The following TMEM117 variants were observed in gnomAD, a reference collection of about 807,000 sequenced individuals.
TMEM117 encodes the protein transmembrane protein 117.
Under a neutral mutation model 52.4 loss-of-function variants are expected in TMEM117, and 27 were observed. The ratio of observed to expected loss-of-function variants is 0.51; its 90% CI spans 0.38 to 0.71. The LOEUF (loss-of-function observed/expected upper bound fraction) is 0.71. TMEM117 is among the 30% of genes least tolerant of loss of function. The pLI is 0.00. For missense variants in TMEM117, 556 were observed against 630.5 expected (o/e 0.88, Z 1.26); for synonymous variants, 215 against 206.3 (o/e 1.04, Z -0.36).
chr12:44,024,395 C>A (rs956482170), intron 3 of TMEM117, among the ~76,000 whole-genome samples: 1 of 152,122 alleles, frequency 6.6e-6, no homozygotes, highest in African/African-American at 2.4e-5. Flanking sequence ...CTCACCGTTA[C>A]AGTACTTATT....
At chr12:44,030,819 G>C (rs1247099646) in intron 3 of TMEM117, among the ~76,000 whole-genome samples, 1 of 152,098 alleles carries the variant, frequency 6.6e-6, no homozygotes, top group East Asian at 1.9e-4. Context: ...AGTTATAGAA[G>C]GTTTGTGAGA....
rs191812994 is a variant in TMEM117, at chr12:44,317,162, C to T, written c.768+17423C>T. On this transcript the variant is annotated intron_variant, in intron 6 of 7. Transcript: ENST00000266534. The stretch of plus-strand genomic sequence containing the variant: ...GATCCTTTGGTGGAGTCACAATATT[C>T]AGATTTTTCATGGTATGAGAAAAGT... 1.8e-3 allele frequency among the ~76,000 whole-genome samples: 269 copies of T among 150,916 alleles called. 1 individual carries two copies. Among genetic ancestry groups the T allele is most frequent in the African/African-American group, 6.2e-3 (258 of 41,292 alleles).
the TMEM117 span, among the ~76,000 whole-genome samples, chr12:43,828,401 G>A: frequency 6.6e-6 from 1 of 152,186 alleles, no homozygotes; most frequent in Non-Finnish European, 1.5e-5. Flanking sequence ...CATGTCTCAG[G>A]TAGCTCATTG....
intron 3 of TMEM117, among the ~76,000 whole-genome samples, chr12:44,097,347 C>T (rs1947783997): frequency 1.3e-5 from 2 of 152,022 alleles, no homozygotes; most frequent in African/African-American, 4.8e-5. Flanking sequence ...CCATTTGACC[C>T]AGCCATCCCG....
intron 6 of TMEM117, among the ~76,000 whole-genome samples, chr12:44,332,657 A>C (rs1343894828): frequency 1.3e-5 from 2 of 151,722 alleles, no homozygotes; most frequent in Non-Finnish European, 2.9e-5. Flanking sequence ...CTTTTTTTTC[A>C]GAGCCAGCTT....
At chr12:44,071,011 A>C (rs1489328449) in intron 3 of TMEM117, among the ~76,000 whole-genome samples, 1 of 152,230 alleles carries the variant, frequency 6.6e-6, no homozygotes, top group Admixed American at 6.5e-5. Flanking sequence ...TCAGGGGTAG[A>C]GTATATTTCT....
At chr12:44,162,406 T>C (rs1181170753) in intron 4 of TMEM117, among the ~76,000 whole-genome samples, 1 of 152,166 alleles carries the variant, frequency 6.6e-6, no homozygotes, top group African/African-American at 2.4e-5. Flanking sequence ...CTGAATGGTG[T>C]TGGACAAAGT....
chr12:44,195,122 A>C (rs1949401645), intron 4 of TMEM117, among the ~76,000 whole-genome samples: 1 of 152,144 alleles, frequency 6.6e-6, no homozygotes, highest in Non-Finnish European at 1.5e-5. Flanking sequence ...TTCTCTACTT[A>C]GGTTCTCATA....
At chr12:44,181,299 A>G (rs1254727462) in intron 4 of TMEM117, among the ~76,000 whole-genome samples, 1 of 151,886 alleles carries the variant, frequency 6.6e-6, no homozygotes, top group Non-Finnish European at 1.5e-5. Context: ...CCCATTCTGT[A>G]GGTTGCCTGT....
At chr12:43,942,896 A>G (rs923947048) in intron 2 of TMEM117, among the ~76,000 whole-genome samples, 5 of 152,140 alleles carry the variant, frequency 3.3e-5, no homozygotes, top group African/African-American at 1.2e-4. Flanking sequence ...AAGAAATTTT[A>G]GGATGGGCGT....
downstream of TMEM117, among the ~76,000 whole-genome samples, chr12:44,394,578 A>T (rs929946341): frequency 6.6e-6 from 1 of 152,204 alleles, no homozygotes; most frequent in Non-Finnish European, 1.5e-5. Flanking sequence ...AATCCCTTGG[A>T]GCTGCTGGGC....
At chr12:44,176,844 A>G (rs551416515) in intron 4 of TMEM117, among the ~76,000 whole-genome samples, 4 of 152,220 alleles carry the variant, frequency 2.6e-5, no homozygotes, top group African/African-American at 9.6e-5. Context: ...CTCTCTATAT[A>G]TAAATGTCCT....
At chr12:43,999,943 G>T (rs186239950) in intron 3 of TMEM117, among the ~76,000 whole-genome samples, 1 of 152,228 alleles carries the variant, frequency 6.6e-6, no homozygotes, top group Non-Finnish European at 1.5e-5. Flanking sequence ...TTATAATAAG[G>T]TCATTCAAAA....
intron 4 of TMEM117, among the ~76,000 whole-genome samples, chr12:44,202,801 T>C (rs949698200): frequency 6.6e-6 from 1 of 151,918 alleles, no homozygotes; most frequent in Non-Finnish European, 1.5e-5. Flanking sequence ...AGCTTTTTTT[T>C]TTTTTTAGAT....
chr12:43,955,409 A>C (rs1945291327), intron 3 of TMEM117, among the ~76,000 whole-genome samples: 1 of 152,232 alleles, frequency 6.6e-6, no homozygotes, highest in Admixed American at 6.5e-5. Flanking sequence ...TCTCAGCTCA[A>C]AAGCTTCTTA....
At chr12:44,307,599 C>A (rs1950919502) in intron 6 of TMEM117, among the ~76,000 whole-genome samples, 2 of 152,176 alleles carry the variant, frequency 1.3e-5, no homozygotes, top group Non-Finnish European at 2.9e-5. Context: ...GGGATTAAAT[C>A]TCAACTTTAT....
At chr12:43,840,172 A>G (rs971770076) in intron 1 of TMEM117, among the ~76,000 whole-genome samples, 1 of 152,198 alleles carries the variant, frequency 6.6e-6, no homozygotes, top group Admixed American at 6.5e-5. Context: ...AAGGCATTGC[A>G]TGGAGTGTTG....
chr12:44,121,448 G>A (rs552919909), intron 3 of TMEM117, among the ~76,000 whole-genome samples: 68 of 152,170 alleles, frequency 4.5e-4, no homozygotes, highest in Admixed American at 2.1e-3. Context: ...CCAAGTCAGC[G>A]TAAAGATGAC....
At chr12:44,336,774 A>G (rs1337394753) in intron 6 of TMEM117, among the ~76,000 whole-genome samples, 1 of 152,084 alleles carries the variant, frequency 6.6e-6, no homozygotes, top group Non-Finnish European at 1.5e-5. Context: ...CACTTTATAA[A>G]TGATTAAGTC....
Sources: allele counts gnomAD v4.1 joint callset (sites outside exome capture counted in the v4.1 genomes callset), GRCh38; gene constraint gnomAD v4.1.1; transcripts MANE v1.5; gene names NCBI Gene and HGNC (gene_info 2026-07-23, HGNC 2026-07-21).